ATP9A: variants seen among roughly 807,000 people sequenced by gnomAD.
ATP9A encodes the protein probable phospholipid-transporting ATPase IIA.
A neutral mutation model predicts 144.1 loss-of-function variants in ATP9A; 52 were observed. The observed-to-expected ratio is 0.36, with a 90% CI of 0.29 to 0.45. ATP9A has a LOEUF of 0.45. Ranked by LOEUF, ATP9A falls within the 20% of genes least tolerant of loss-of-function variation. The probability of loss-of-function intolerance (pLI) is 1.00; values close to 1 mark genes in which losing one functional copy is unlikely to be tolerated. For synonymous variants in ATP9A, 582 were observed against 557.4 expected, an observed-to-expected ratio of 1.04 and a Z score of -0.62; for missense variants, 947 against 1,392.7, an observed-to-expected ratio of 0.68 and a Z score of 5.09.
At position 51,611,770 on chromosome 20, in the gene ATP9A, G is replaced by A. The variant is rs1333362722; in HGVS notation, c.2572-1605C>T. Among the ~76,000 whole-genome samples the A allele has an allele frequency of 1.3e-5, 2 of 152,292 alleles. No homozygotes were observed. The highest frequency in any genetic ancestry group is 3.4e-3 in the Middle Eastern group (1 of 294). ...CACAGCATTATCCTGTTCAATTGGT[G>A]AGTTAACATAAAAGTACAGATGTGG... On this transcript the variant is annotated intron_variant, in intron 23 of 27. Transcript: ENST00000338821. The surrounding 1 kb of genome is among the most constrained non-coding windows in gnomAD (Gnocchi z 4.2).
At chr20:51,661,672 G>T (rs901699174) in intron 13 of ATP9A, among the ~76,000 whole-genome samples, 7 of 151,600 alleles carry the variant, frequency 4.6e-5, no homozygotes, top group South Asian at 2.1e-4. Context: ...CACCCAGCCA[G>T]AAATACACTA....
intron 23 of ATP9A, among the ~76,000 whole-genome samples, chr20:51,612,212 G>T (rs6021318): frequency 0.28 from 42,571 of 151,944 alleles, 6,185 homozygotes; most frequent in Middle Eastern, 0.32. Context: ...TTTGCTCAAG[G>T]TCTCACAGAT....
Position 51,735,464 on chromosome 20 carries a change from T to C in ATP9A, c.69-5486A>G, listed in dbSNP as rs78668804. On this transcript the variant is annotated intron_variant, in intron 1 of 27. Transcript: ENST00000338821. ...TTTTTTACATTCTACACATATTGTC[T>C]ATGGGACTAAATGTTTCTGCAGCTA... Among the ~76,000 whole-genome samples, 1,439 of 152,328 alleles carry C rather than the reference T, an allele frequency of 9.4e-3. 18 individuals are homozygous for C. Among genetic ancestry groups the C allele is most frequent in the African/African-American group, 0.033 (1,354 of 41,576 alleles).
At chr20:51,656,898 C>G (rs576376709) in intron 14 of ATP9A, 40 bp downstream of exon 14, 3 of 1,576,450 alleles carry the variant, frequency 1.9e-6, no homozygotes, top group Non-Finnish European at 2.6e-6. Context: ...AGAAAACAAG[C>G]AGGGCCTCCC....
intron 9 of ATP9A, among the ~76,000 whole-genome samples, chr20:51,682,575 A>ATTTTTTTTTTT (rs2077504448): frequency 3.0e-5 from 1 of 32,816 alleles, no homozygotes. Context: ...TTTTCACTGT[A>ATTTTTTTTTTT]TCTTTTTTTT....
intron 15 of ATP9A, among the ~76,000 whole-genome samples, chr20:51,636,295 A>G (rs1324175736): frequency 6.6e-6 from 1 of 152,146 alleles, no homozygotes; most frequent in Non-Finnish European, 1.5e-5. Context: ...AATTCGTCAC[A>G]CTACTCACAA....
intron 15 of ATP9A, among the ~76,000 whole-genome samples, chr20:51,633,895 G>A (rs75403903): frequency 6.6e-6 from 1 of 150,460 alleles, no homozygotes; most frequent in Admixed American, 6.6e-5. Flanking sequence ...AGGAAAAGAG[G>A]GAGGGAGGGA....
chr20:51,756,736 G>C (rs981674928), intron 1 of ATP9A, among the ~76,000 whole-genome samples: 27 of 152,170 alleles, frequency 1.8e-4, no homozygotes, highest in Non-Finnish European at 3.2e-4. Flanking sequence ...GGGGATTCCA[G>C]CTTCAAACGT....
At chr20:51,646,599 T>C (rs1361180612) in intron 14 of ATP9A, among the ~76,000 whole-genome samples, 1 of 152,132 alleles carries the variant, frequency 6.6e-6, no homozygotes, top group Non-Finnish European at 1.5e-5. Flanking sequence ...GGCAGGGCCA[T>C]GTGGGGGTCA....
chr20:51,649,273 G>C (rs1299267279), intron 14 of ATP9A, among the ~76,000 whole-genome samples: 2 of 152,106 alleles, frequency 1.3e-5, no homozygotes, highest in African/African-American at 4.8e-5. Flanking sequence ...GCACTTTCAA[G>C]CCATCATCCC....
rs372173365 is a variant in ATP9A at position 51,746,122 on chromosome 20, G to A, written c.69-16144C>T. ...GTTCTCACTTATAAGTAGGAGCTAA[G>A]TGATAAGAACTTACAGGCACAAAGA... is the stretch of plus-strand genomic sequence containing the variant. On this transcript the variant is annotated intron_variant, in intron 1 of 27. Coordinates refer to ENST00000338821, the MANE Select transcript of ATP9A (RefSeq NM_006045.3). Among the ~76,000 whole-genome samples the A allele has an allele frequency of 8.5e-5, 13 of 152,262 alleles. No homozygotes were observed. The East Asian group carries it at 1.5e-3, about 18-fold the overall frequency.
rs6091350 is a variant in ATP9A, at chr20:51,717,283, C to A, written c.328-4209G>T. Among the ~76,000 whole-genome samples, 452 of 151,980 alleles carry A rather than the reference C, an allele frequency of 3.0e-3. 2 individuals carry two copies. The highest frequency in any genetic ancestry group is 1.0e-2 in the African/African-American group (413 of 41,462). ...TGAAATGAGGCAACTTTCAGAGTGG[C>A]TAGAAGACGTTTCAAAATGTCTTCT... On this transcript the variant is annotated intron_variant, in intron 3 of 27. Transcript: ENST00000338821.
intron 10 of ATP9A, among the ~76,000 whole-genome samples, chr20:51,674,653 G>A (rs923807773): frequency 8.5e-5 from 13 of 152,140 alleles, no homozygotes; most frequent in Admixed American, 3.9e-4. Context: ...TGGCTGGGTC[G>A]TGTGCTGAAT....
At chr20:51,683,154 C>G (rs2077507741) in intron 9 of ATP9A, among the ~76,000 whole-genome samples, 1 of 152,130 alleles carries the variant, frequency 6.6e-6, no homozygotes, top group African/African-American at 2.4e-5. Context: ...CACTGGTGAT[C>G]ACAGCTGACT....
chr20:51,741,930 C>G (rs1336630616), intron 1 of ATP9A, among the ~76,000 whole-genome samples: 1 of 152,194 alleles, frequency 6.6e-6, no homozygotes, highest in Non-Finnish European at 1.5e-5. Flanking sequence ...AAGTATCCAG[C>G]CCAAAACGCC....
intron 14 of ATP9A, among the ~76,000 whole-genome samples, chr20:51,645,099 T>C (rs901492528): frequency 4.6e-5 from 7 of 152,206 alleles, no homozygotes; most frequent in African/African-American, 1.4e-4. Context: ...GAAAGATCAA[T>C]TACAGCTGTA....
intron 1 of ATP9A, among the ~76,000 whole-genome samples, chr20:51,752,391 G>C (rs2077836295): frequency 6.6e-6 from 1 of 152,190 alleles, no homozygotes; most frequent in Non-Finnish European, 1.5e-5. Flanking sequence ...TAGAACGGAA[G>C]CCCCACACTG....
intron 9 of ATP9A, among the ~76,000 whole-genome samples, chr20:51,682,882 C>T (rs2077506321): frequency 1.3e-5 from 2 of 150,112 alleles, no homozygotes; most frequent in East Asian, 2.0e-4. Context: ...CCTGAGTCAC[C>T]GCATTCAAGA....
chr20:51,601,372 G>C, intron 27 of ATP9A, 25 bp from the exon 28 acceptor site: 1 of 1,591,836 alleles, frequency 6.3e-7, no homozygotes. Flanking sequence ...GAAGACGGCA[G>C]TGAGCAGGCA....
Sources: gnomAD v4.1 joint callset for allele counts (sites outside exome capture counted in the v4.1 genomes callset) on GRCh38, gnomAD v4.1.1 for gene constraint, Gnocchi (gnomAD v3.1) non-coding constraint, MANE v1.5 for transcripts, NCBI Gene and HGNC (gene_info 2026-07-23, HGNC 2026-07-21) for gene names.